ATP13A5: variants seen among roughly 807,000 people sequenced by gnomAD.
ATP13A5 encodes the protein ATPase 13A5.
In ATP13A5, 149 loss-of-function variants were observed where a neutral mutation model predicts 150.2. The observed-to-expected ratio is 0.99, with a 90% CI of 0.87 to 1.14. ATP13A5 has a LOEUF of 1.14. Ranked by LOEUF, ATP13A5 falls within the 50% of genes most tolerant of loss-of-function variation. The probability of loss-of-function intolerance (pLI) is 0.00; values close to 1 mark genes in which losing one functional copy is unlikely to be tolerated. For missense variants in ATP13A5, 1,383 were observed against 1,449.3 expected (o/e 0.95, Z 0.74); for synonymous variants, 497 against 522.2 (o/e 0.95, Z 0.66).
chr3:193,356,245 A>G lies in ATP13A5; in HGVS notation c.537-2049T>C, dbSNP rs185166983. Among the ~76,000 whole-genome samples, 507 of 149,970 alleles carry G rather than the reference A, an allele frequency of 3.4e-3. 3 individuals are homozygous for G. Among genetic ancestry groups the G allele is most frequent in the African/African-American group, 0.011 (460 of 40,450 alleles). On this transcript the variant is annotated intron_variant, in intron 5 of 29. Transcript: ENST00000342358. ...ATAGTGCATATAATTACCTGAAAGT[A>G]CACGTTATGTTTCACATTTTAATAA...
At chr3:193,319,354 A>G (rs886868882) in intron 16 of ATP13A5, among the ~76,000 whole-genome samples, 5 of 152,164 alleles carry the variant, frequency 3.3e-5, no homozygotes, top group African/African-American at 1.2e-4. Flanking sequence ...GTCCCTCCAA[A>G]ATTCATATGT....
Position 193,319,047 on chromosome 3 carries a change from A to G in ATP13A5, c.1977T>C (p.Ala659=). 6.2e-7 allele frequency: 1 copy of G among 1,614,030 alleles called. No homozygotes were observed. The highest frequency in any genetic ancestry group is 8.5e-7 in the Non-Finnish European group (1 of 1,179,898). ...CCATCTTTAAGGTTTTGTGGGCAAG[A>G]GCAATGACACGGAAGCCTTGCACCG... is the stretch of plus-strand genomic sequence containing the variant. The part of the protein sequence containing the change: ...SYTVQGFRVI[A]LAHKTLKMGN... The change falls in exon 17 of 30, where the codon GCT becomes GCC. Residue 659 remains alanine (A), a synonymous_variant. Transcript: ENST00000342358.
At chr3:193,377,385 G>C (rs1261343706) in intron 1 of ATP13A5, among the ~76,000 whole-genome samples, 1 of 152,164 alleles carries the variant, frequency 6.6e-6, no homozygotes, top group Non-Finnish European at 1.5e-5. Context: ...GATGTAAAGA[G>C]AAGCAGGTGA....
chr3:193,325,694 C>T (rs1285589302), intron 13 of ATP13A5, among the ~76,000 whole-genome samples: 1 of 152,194 alleles, frequency 6.6e-6, no homozygotes, highest in Admixed American at 6.5e-5. Context: ...CACGTCTCAG[C>T]CCTTTAGAGT....
chr3:193,372,312 A>AAAAAGC lies in ATP13A5; in HGVS notation c.63+6350_63+6351insGCTTTT, dbSNP rs57458521. On this transcript the variant is annotated intron_variant, in intron 1 of 29. Coordinates refer to ENST00000342358, the MANE Select transcript of ATP13A5 (RefSeq NM_198505.4). ...TCAAAAAAAAAAAAAAAAAAAAAAA[A>AAAAAGC]GGGGGAAGTTCTGCCATAAGGAAAA... 5.5e-5 allele frequency: 4 copies of AAAAAGC among 73,166 alleles called. No individual in the cohort carries two copies. In the Admixed American group the frequency reaches 8.6e-4, roughly 16 times the overall value. 4.5% of individuals were successfully genotyped at this position (73,166 alleles called of 1,614,324 possible).
chr3:193,337,633 G>A (rs1577357704), intron 9 of ATP13A5, among the ~76,000 whole-genome samples: 1 of 152,156 alleles, frequency 6.6e-6, no homozygotes, highest in East Asian at 1.9e-4. Flanking sequence ...GATTACTGTA[G>A]CCTTGTAGTA....
intron 19 of ATP13A5, 63 bp from the exon 20 acceptor site, chr3:193,312,004 G>A (rs974701615): frequency 1.6e-5 from 25 of 1,570,346 alleles, no homozygotes; most frequent in African/African-American, 1.5e-4. Flanking sequence ...TTTCCTATGC[G>A]TTATTGAAGG....
chr3:193,284,035 T>TTATTATTATTATTA (rs1560112773), intron 27 of ATP13A5, among the ~76,000 whole-genome samples: 2 of 91,464 alleles, frequency 2.2e-5, no homozygotes, highest in African/African-American at 9.1e-5. Flanking sequence ...TATTATTATT[T>TTATTATTATTATTA]TTTGAGACAG....
chr3:193,280,568 C>G (rs1717443191), intron 27 of ATP13A5, among the ~76,000 whole-genome samples: 1 of 152,140 alleles, frequency 6.6e-6, no homozygotes, highest in African/African-American at 2.4e-5. Context: ...ACATCTGTTG[C>G]ATTTCTTCTT....
At chr3:193,289,755 A>G in intron 26 of ATP13A5, 130 bp downstream of exon 26, 1 of 822,650 alleles carries the variant, frequency 1.2e-6, no homozygotes, top group East Asian at 2.9e-5. Context: ...CTGTCCCATC[A>G]TTTGAGTTTT....
intron 25 of ATP13A5, among the ~76,000 whole-genome samples, chr3:193,290,823 A>T (rs1717922897): frequency 6.6e-6 from 1 of 152,172 alleles, no homozygotes; most frequent in Non-Finnish European, 1.5e-5. Context: ...GAACATGCTG[A>T]TGAAAATGAA....
At chr3:193,310,759 G>T (rs1224559486) in intron 20 of ATP13A5, 42 bp from the exon 21 acceptor site, 10 of 1,502,228 alleles carry the variant, frequency 6.7e-6, no homozygotes, top group Admixed American at 2.1e-5. Context: ...TTGGGAAGAA[G>T]AAAACTTTTA....
chr3:193,337,874 T>G (rs1711950974), intron 9 of ATP13A5, among the ~76,000 whole-genome samples: 1 of 152,250 alleles, frequency 6.6e-6, no homozygotes, highest in Non-Finnish European at 1.5e-5. Context: ...GTGTGGAATG[T>G]TCTTCCATTT....
chr3:193,362,747 TTCC>T, intron 3 of ATP13A5, 110 bp from the exon 4 acceptor site: 1 of 848,474 alleles, frequency 1.2e-6, no homozygotes, highest in Non-Finnish European at 1.9e-6. Flanking sequence ...CTCACTTGCT[TTCC>T]TTCTTTCTTT....
chr3:193,285,861 CA>C (rs1438612025), intron 26 of ATP13A5, among the ~76,000 whole-genome samples: 5 of 152,042 alleles, frequency 3.3e-5, no homozygotes, highest in Admixed American at 3.3e-4. Context: ...AAAGTAAAGA[CA>C]TTTAAAAAAA....
chr3:193,292,293 A>C (rs190511001), intron 25 of ATP13A5, among the ~76,000 whole-genome samples: 52 of 152,228 alleles, frequency 3.4e-4, no homozygotes, highest in African/African-American at 1.3e-3. Flanking sequence ...GTAGCTATAA[A>C]TTCATAAAGA....
intron 25 of ATP13A5, among the ~76,000 whole-genome samples, chr3:193,298,637 A>G (rs558996230): frequency 3.9e-5 from 6 of 152,256 alleles, no homozygotes; most frequent in African/African-American, 1.4e-4. Flanking sequence ...CTTGATAGGA[A>G]ATACTTTACC....
Position 193,299,452 on chromosome 3 carries a change from G to A in ATP13A5, c.2776-249C>T, listed in dbSNP as rs1447492086. 2.0e-5 allele frequency among the ~76,000 whole-genome samples: 3 copies of A among 152,094 alleles called. 1 individual carries two copies. The highest frequency in any genetic ancestry group is 1.3e-4 in the Admixed American group (2 of 15,256). On this transcript the variant is annotated intron_variant, in intron 24 of 29. Coordinates refer to ENST00000342358, the MANE Select transcript of ATP13A5 (RefSeq NM_198505.4). ...ATTATTTGAGAACCACCCTCCTATTGGGTGCATTAATTACCTGACAGCTGT... is the reference window on the plus strand; with the variant it reads ...ATTATTTGAGAACCACCCTCCTATTAGGTGCATTAATTACCTGACAGCTGT...
Position 193,335,077 on chromosome 3 carries a change from C to T in ATP13A5, c.966G>A (p.Lys322=). ...MLTGESIPVT[K]TPLPQMENTM... ...TGTTCTCCATCTGGGGCAATGGTGT[C>T]TTTGTAACAGGTATACTTTCTCCTA... The change falls in exon 10 of 30, where the codon AAG becomes AAA. Residue 322 remains lysine (K), a synonymous_variant. Transcript: ENST00000342358. 2 of 1,613,792 alleles carry T rather than the reference C, an allele frequency of 1.2e-6. No individual in the cohort carries two copies. The highest frequency in any genetic ancestry group is 1.3e-5 in the African/African-American group (1 of 75,016).
Sources: gnomAD v4.1 joint callset for allele counts (sites outside exome capture counted in the v4.1 genomes callset) on GRCh38, gnomAD v4.1.1 for gene constraint, MANE v1.5 for transcripts, NCBI Gene and HGNC (gene_info 2026-07-23, HGNC 2026-07-21) for gene names.